The following AUTS2 variants were observed in gnomAD, a reference collection of about 807,000 sequenced individuals.
AUTS2 encodes the protein autism susceptibility gene 2 protein.
A neutral mutation model predicts 112.4 loss-of-function variants in AUTS2; 17 were observed. The ratio of observed to expected loss-of-function variants is 0.15; its 90% CI spans 0.10 to 0.23. AUTS2 has a LOEUF of 0.23. AUTS2 is among the 10% of genes least tolerant of loss of function. The pLI, the probability that AUTS2 is intolerant of heterozygous loss-of-function variation, is 1.00. For synonymous variants in AUTS2, 751 were observed against 702.7 expected, an observed-to-expected ratio of 1.07 and a Z score of -1.09; for missense variants, 1,510 against 1,701.6, an observed-to-expected ratio of 0.89 and a Z score of 1.98.
At chr7:70,448,945 A>T (rs1340521967) in intron 5 of AUTS2, among the ~76,000 whole-genome samples, 1 of 152,248 alleles carries the variant, frequency 6.6e-6, no homozygotes, top group African/African-American at 2.4e-5. Context: ...AAGAGACTTC[A>T]TGAAGTCATT....
At chr7:70,168,805 G>T (rs1267421864) in intron 4 of AUTS2, among the ~76,000 whole-genome samples, 1 of 152,124 alleles carries the variant, frequency 6.6e-6, no homozygotes, top group Non-Finnish European at 1.5e-5. Flanking sequence ...TTCTCTGTGT[G>T]CTGGTGAGAG....
chr7:70,617,204 G>A (rs1804417881), intron 5 of AUTS2, among the ~76,000 whole-genome samples: 1 of 152,158 alleles, frequency 6.6e-6, no homozygotes, highest in South Asian at 2.1e-4. Flanking sequence ...TCAAGTAAAA[G>A]TCCGTGCTAT....
rs77568444 is a variant in AUTS2 at position 69,798,641 on chromosome 7, T to C, written c.310-100645T>C. ...AGAAAAGGGAAGTCTTGTGCACCATTAGTGGGGATATAAATTATTATTGGT... is the reference window on the plus strand; with the variant it reads ...AGAAAAGGGAAGTCTTGTGCACCATCAGTGGGGATATAAATTATTATTGGT... On this transcript the variant is annotated intron_variant, in intron 1 of 18. Transcript: ENST00000342771. Among the ~76,000 whole-genome samples, 439 of 152,162 alleles carry C rather than the reference T, an allele frequency of 2.9e-3. 5 individuals are homozygous for C. The highest frequency in any genetic ancestry group is 0.01 in the African/African-American group (426 of 41,512).
At chr7:69,749,061 A>G (rs1787627685) in intron 1 of AUTS2, among the ~76,000 whole-genome samples, 1 of 152,142 alleles carries the variant, frequency 6.6e-6, no homozygotes. Context: ...TTCTCTGTCT[A>G]TAAATTGGGA....
chr7:70,136,964 T>C (rs2129575045), intron 4 of AUTS2, among the ~76,000 whole-genome samples: 1 of 152,344 alleles, frequency 6.6e-6, no homozygotes, highest in African/African-American at 2.4e-5. Flanking sequence ...CAGGTGTGTG[T>C]GCATGCACAC....
chr7:70,684,378 A>G (rs996035073), intron 5 of AUTS2, among the ~76,000 whole-genome samples: 27 of 152,172 alleles, frequency 1.8e-4, no homozygotes, highest in Admixed American at 1.8e-3. Context: ...CACGTGACTT[A>G]TAGACAGCCT....
chr7:70,580,897 C>A (rs1802403297), intron 5 of AUTS2, among the ~76,000 whole-genome samples: 1 of 152,090 alleles, frequency 6.6e-6, no homozygotes, highest in Non-Finnish European at 1.5e-5. Context: ...GTGCATTTGC[C>A]TCAGAAGATG....
chr7:70,121,285 T>C (rs1055158967), intron 3 of AUTS2, among the ~76,000 whole-genome samples: 2 of 152,124 alleles, frequency 1.3e-5, no homozygotes, highest in Non-Finnish European at 2.9e-5. Context: ...GACCTTCAAT[T>C]TGGCAGTGGC....
chr7:70,125,044 T>C (rs1360709030), intron 3 of AUTS2, among the ~76,000 whole-genome samples: 2 of 152,210 alleles, frequency 1.3e-5, no homozygotes, highest in African/African-American at 2.4e-5. Flanking sequence ...TGTGTACTAA[T>C]TTTGTCACCT....
chr7:70,376,955 C>G (rs1793113996), intron 4 of AUTS2, among the ~76,000 whole-genome samples: 1 of 151,466 alleles, frequency 6.6e-6, no homozygotes, highest in Non-Finnish European at 1.5e-5. Flanking sequence ...TGATCTGACC[C>G]AAGACATCTG....
At chr7:69,793,442 T>C (rs962992661) in intron 1 of AUTS2, among the ~76,000 whole-genome samples, 3 of 152,198 alleles carry the variant, frequency 2.0e-5, no homozygotes, top group Non-Finnish European at 2.9e-5. Context: ...TTCTTTCTAA[T>C]GATGTAGACA....
chr7:69,895,542 T>TCCC (rs1794705225), intron 1 of AUTS2, among the ~76,000 whole-genome samples: 1 of 119,534 alleles, frequency 8.4e-6, no homozygotes, highest in African/African-American at 3.2e-5. Context: ...CTCTCTCTTC[T>TCCC]TCCCCCCCCC....
intron 5 of AUTS2, among the ~76,000 whole-genome samples, chr7:70,474,744 G>A (rs888561242): frequency 4.6e-5 from 7 of 152,244 alleles, no homozygotes; most frequent in African/African-American, 1.7e-4. Flanking sequence ...TTCCCTGTCA[G>A]CCATAGACAT....
At chr7:69,878,597 A>G (rs1047378106) in intron 1 of AUTS2, among the ~76,000 whole-genome samples, 3 of 152,192 alleles carry the variant, frequency 2.0e-5, no homozygotes, top group African/African-American at 7.2e-5. Flanking sequence ...CCAGAGGTCA[A>G]TCTGGCATAA....
chr7:69,672,780 T>A (rs1267371542), intron 1 of AUTS2, among the ~76,000 whole-genome samples: 1 of 152,222 alleles, frequency 6.6e-6, no homozygotes, highest in Admixed American at 6.5e-5. Flanking sequence ...GAGTTCAGTG[T>A]CTTCCCTGTT....
chr7:70,659,520 T>C (rs1806955115), intron 5 of AUTS2, among the ~76,000 whole-genome samples: 1 of 152,160 alleles, frequency 6.6e-6, no homozygotes, highest in Admixed American at 6.5e-5. Context: ...TTAACTGAGC[T>C]CAGCTTCCTT....
intron 2 of AUTS2, among the ~76,000 whole-genome samples, chr7:70,079,520 A>G (rs548178050): frequency 6.6e-6 from 1 of 152,234 alleles, no homozygotes; most frequent in African/African-American, 2.4e-5. Flanking sequence ...AAAAAAAGTT[A>G]TGTAAACTTA....
intron 4 of AUTS2, among the ~76,000 whole-genome samples, chr7:70,171,238 C>G (rs1808669539): frequency 6.6e-6 from 1 of 152,222 alleles, no homozygotes; most frequent in African/African-American, 2.4e-5. Flanking sequence ...TTTTCCCAAA[C>G]TCACAGACGT....
At chr7:69,932,719 C>T (rs1454568790) in intron 2 of AUTS2, among the ~76,000 whole-genome samples, 1 of 152,212 alleles carries the variant, frequency 6.6e-6, no homozygotes, top group Non-Finnish European at 1.5e-5. Flanking sequence ...CTGTGGACTT[C>T]AGCTTCTACT....
Sources: allele counts gnomAD v4.1 joint callset (sites outside exome capture counted in the v4.1 genomes callset), GRCh38; gene constraint gnomAD v4.1.1; transcripts MANE v1.5; gene names NCBI Gene and HGNC (gene_info 2026-07-23, HGNC 2026-07-21).